SUMF1: variants seen among roughly 807,000 people sequenced by gnomAD.
SUMF1 encodes sulfatase modifying factor 1.
In SUMF1, 48 loss-of-function variants were observed where a neutral mutation model predicts 47.6. That is an observed-to-expected ratio of 1.01 (90% confidence interval 0.80 to 1.28). The LOEUF is 1.28. Among genes scored for constraint, SUMF1 ranks in the 50% most tolerant of loss-of-function variants. SUMF1 has a pLI of 0.00. For missense variants in SUMF1, 571 were observed against 485.4 expected (o/e 1.18, Z -1.66); for synonymous variants, 230 against 192.1 (o/e 1.20, Z -1.63).
chr3:4,190,351 A>G (rs1695289049), intron 8 of SUMF1, among the ~76,000 whole-genome samples: 1 of 152,176 alleles, frequency 6.6e-6, no homozygotes, highest in South Asian at 2.1e-4. Flanking sequence ...GTCTGTAGGC[A>G]GCTCCACATT....
chr3:4,281,358 AAAAAGCCAGAG>A (rs912897795), intron 8 of SUMF1, among the ~76,000 whole-genome samples: 3 of 152,130 alleles, frequency 2.0e-5, no homozygotes, highest in African/African-American at 7.2e-5. Context: ...AGAGAGAGAG[AAAAAGCCAGAG>A]AAAAGGAAAG....
At chr3:4,378,584 G>C (rs1200331052) in intron 7 of SUMF1, among the ~76,000 whole-genome samples, 1 of 152,142 alleles carries the variant, frequency 6.6e-6, no homozygotes, top group Non-Finnish European at 1.5e-5. Flanking sequence ...CAAAATAATG[G>C]CTGGCAGCAG....
intron 8 of SUMF1, among the ~76,000 whole-genome samples, chr3:4,247,553 G>C (rs367695429): frequency 2.0e-5 from 3 of 151,310 alleles, no homozygotes; most frequent in East Asian, 3.9e-4. Context: ...AGGGAAAGAG[G>C]GGGTAAGAAG....
At chr3:4,420,802 C>A (rs1423835118) in intron 3 of SUMF1, among the ~76,000 whole-genome samples, 1 of 152,122 alleles carries the variant, frequency 6.6e-6, no homozygotes, top group Admixed American at 6.5e-5. Flanking sequence ...ACAGAGTTAA[C>A]CCTACAATTA....
intron 8 of SUMF1, among the ~76,000 whole-genome samples, chr3:4,348,815 C>T (rs1018573227): frequency 4.6e-5 from 7 of 152,252 alleles, no homozygotes; most frequent in Non-Finnish European, 7.3e-5. Flanking sequence ...GCAGAGGTTG[C>T]GGTGAGCCAA....
In SUMF1 at chr3:4,215,459, A is replaced by G. The variant is rs138585289; in HGVS notation, c.1015-146714T>C. On this transcript the variant is annotated intron_variant and NMD_transcript_variant, in intron 8 of 12. Coordinates refer to the SUMF1 transcript ENST00000448413. ...TATCATACTGAATGGGCAAAAGCTG[A>G]AAGCATTCCTTTTGAAAACCAGCAC... is the stretch of plus-strand genomic sequence containing the variant. Among the ~76,000 whole-genome samples, 851 of 152,268 alleles carry G rather than the reference A, an allele frequency of 5.6e-3. 10 individuals are homozygous for G. Among genetic ancestry groups the G allele is most frequent in the African/African-American group, 0.019 (810 of 41,554 alleles).
intron 8 of SUMF1, among the ~76,000 whole-genome samples, chr3:4,368,581 C>T (rs1700063052): frequency 6.6e-6 from 1 of 152,108 alleles, no homozygotes; most frequent in Non-Finnish European, 1.5e-5. Flanking sequence ...AGACTTGGAA[C>T]CAACCCAAAT....
chr3:4,318,915 CAAAA>C (rs921792683), intron 8 of SUMF1, among the ~76,000 whole-genome samples: 7 of 151,554 alleles, frequency 4.6e-5, no homozygotes, highest in African/African-American at 1.5e-4. Context: ...CAAAAAAACA[CAAAA>C]AAAGCCGTAA....
chr3:4,458,787 C>T (rs960845692), intron 1 of SUMF1, among the ~76,000 whole-genome samples: 3 of 151,942 alleles, frequency 2.0e-5, no homozygotes, highest in Non-Finnish European at 4.4e-5. Context: ...ACCTGGGAGG[C>T]GGAGCTTGCA....
chr3:4,456,638 GTA>G (rs57047204), intron 1 of SUMF1, among the ~76,000 whole-genome samples: 30,980 of 127,384 alleles, frequency 0.24, 4,796 homozygotes, highest in Non-Finnish European at 0.32. Flanking sequence ...ATATATACGT[GTA>G]TATATATATA....
intron 8 of SUMF1, among the ~76,000 whole-genome samples, chr3:4,184,821 A>T (rs1695167743): frequency 6.6e-6 from 1 of 151,702 alleles, no homozygotes; most frequent in East Asian, 2.0e-4. Context: ...GCTAATTTTC[A>T]GATTTTTAGT....
chr3:4,253,220 T>C (rs1285364519), intron 8 of SUMF1, among the ~76,000 whole-genome samples: 1 of 152,180 alleles, frequency 6.6e-6, no homozygotes, highest in African/African-American at 2.4e-5. Context: ...CCTTGCTTTT[T>C]TCTCTCCATT....
At chr3:4,074,287 C>A (rs1436779860) in intron 8 of SUMF1, among the ~76,000 whole-genome samples, 1 of 152,068 alleles carries the variant, frequency 6.6e-6, no homozygotes, top group East Asian at 1.9e-4. Flanking sequence ...TTCTTTGAAA[C>A]CAATGAGAAC....
At chr3:4,320,747 GTTGT>G (rs1325999927) in intron 8 of SUMF1, among the ~76,000 whole-genome samples, 1 of 152,134 alleles carries the variant, frequency 6.6e-6, no homozygotes, top group African/African-American at 2.4e-5. Flanking sequence ...ATCTTTCCTG[GTTGT>G]TTGATGAAAT....
intron 8 of SUMF1, among the ~76,000 whole-genome samples, chr3:4,269,912 C>G (rs1325593052): frequency 6.6e-6 from 1 of 152,156 alleles, no homozygotes; most frequent in African/African-American, 2.4e-5. Context: ...TAAGGACAGT[C>G]TACAAGAGGG....
intron 9 of SUMF1, among the ~76,000 whole-genome samples, chr3:4,058,506 G>A (rs1365073013): frequency 1.3e-5 from 2 of 152,096 alleles, no homozygotes; most frequent in Non-Finnish European, 2.9e-5. Context: ...AGGGACCAGG[G>A]ACTGGCTGGA....
At chr3:4,329,035 C>T (rs975131465) in intron 8 of SUMF1, among the ~76,000 whole-genome samples, 2 of 152,220 alleles carry the variant, frequency 1.3e-5, no homozygotes, top group African/African-American at 4.8e-5. Context: ...TCATGTCTCA[C>T]ATCCAGGTCA....
intron 8 of SUMF1, chr3:4,317,460 A>G (rs1381235634): frequency 8.1e-6 from 4 of 492,816 alleles, no homozygotes; most frequent in Admixed American, 3.4e-5. Context: ...AGGCGGGCAG[A>G]TCACTTGAGT....
intron 8 of SUMF1, among the ~76,000 whole-genome samples, chr3:4,242,256 A>G (rs554066478): frequency 6.6e-6 from 1 of 152,292 alleles, no homozygotes; most frequent in East Asian, 1.9e-4. Flanking sequence ...TCCTAATTGA[A>G]TACACTTTAT....
Sources: gnomAD v4.1 joint callset for allele counts (sites outside exome capture counted in the v4.1 genomes callset) on GRCh38, gnomAD v4.1.1 for gene constraint, MANE v1.5 for transcripts, NCBI Gene and HGNC (gene_info 2026-07-23, HGNC 2026-07-21) for gene names.